Variants in LAMB4 observed in about 807,000 individuals in gnomAD.
LAMB4 encodes laminin subunit beta-4.
In LAMB4, 196 loss-of-function variants were observed where a neutral mutation model predicts 199.2. The observed-to-expected ratio is 0.98, with a 90% CI of 0.88 to 1.11. LAMB4 has a LOEUF of 1.11. Ranked by LOEUF, LAMB4 falls within the 50% of genes least tolerant of loss-of-function variation. The pLI is 0.00. For missense variants in LAMB4, 2,080 were observed against 2,171.2 expected (o/e 0.96, Z 0.83); for synonymous variants, 744 against 770.6 (o/e 0.97, Z 0.57).
chr7:108,033,284 C>T (rs959616541), intron 31 of LAMB4, among the ~76,000 whole-genome samples: 2 of 152,206 alleles, frequency 1.3e-5, no homozygotes, highest in African/African-American at 4.8e-5. Context: ...GTTTTGCCAT[C>T]CCTTGTTCTA....
rs760550776 is a variant in LAMB4, at chr7:108,065,778, A to G, written c.2820T>C (p.Cys940=). ...ACTGCATACCCGTATAACCTTGAAG[A>G]CAATTGCAGATTACATCTGAGCTCC... ...NLWSSDVICN[C]LQGYTGTQCG... is the part of the protein sequence containing the mutation. The change falls in exon 21 of 34, where the codon TGT becomes TGC. Residue 940 remains cysteine (C), a synonymous_variant. Coordinates refer to ENST00000388781, the MANE Select transcript of LAMB4 (RefSeq NM_007356.3). 17 of 1,614,120 alleles carry G rather than the reference A, an allele frequency of 1.1e-5. No homozygotes were observed. The highest frequency in any genetic ancestry group is 1.4e-5 in the Non-Finnish European group (17 of 1,179,972).
chr7:108,089,551 A>T (rs575142339), intron 14 of LAMB4, among the ~76,000 whole-genome samples: 46 of 152,228 alleles, frequency 3.0e-4, no homozygotes, highest in Non-Finnish European at 6.2e-4. Flanking sequence ...TGTTAGCTGT[A>T]GTAAAAACTC....
rs797000434 is a variant in LAMB4, at chr7:108,068,087, G to A, written c.2375C>T (p.Pro792Leu). The A allele has an allele frequency of 6.2e-7, 1 of 1,614,160 alleles. No individual in the cohort carries two copies. The highest frequency in any genetic ancestry group is 1.7e-5 in the Admixed American group (1 of 60,018). The change falls in exon 19 of 34, where the codon CCT (proline) becomes CTT (leucine). Residue 792 changes from proline (P) to leucine (L), a missense_variant. Pro to Leu is a moderately conservative substitution (Grantham distance 98). Transcript: ENST00000388781. ...GTCACAGCAGCGCCCGACCACAAGA[G>A]GTTTACACTGGCACTGGCCTCCAAG... ...SRLGGQCQCK[P>L]LVVGRCCDRC...
chr7:108,044,950 T>C (rs1241351592), intron 28 of LAMB4, among the ~76,000 whole-genome samples: 5 of 118,254 alleles, frequency 4.2e-5, no homozygotes, highest in Non-Finnish European at 8.1e-5. Flanking sequence ...GTGAGATTCT[T>C]GTCTCAAAAA....
chr7:108,066,248 C>A (rs796894403), intron 20 of LAMB4, 121 bp downstream of exon 20: 2 of 749,576 alleles, frequency 2.7e-6, no homozygotes, highest in African/African-American at 3.5e-5. Flanking sequence ...CTCTCCCCGA[C>A]CTATAACAGT....
At chr7:108,111,731 T>C (rs2038231160) in intron 4 of LAMB4, 80 bp downstream of exon 4, 2 of 1,273,726 alleles carry the variant, frequency 1.6e-6, no homozygotes, top group Admixed American at 1.9e-5. Flanking sequence ...TGCTGTGACA[T>C]TATTAAAACC....
In LAMB4 at chr7:108,056,002, C is replaced by A; in HGVS notation, c.3385G>T (p.Asp1129Tyr). The change falls in exon 25 of 34, where the codon GAT becomes TAT. Residue 1129 changes from aspartate to tyrosine, a missense_variant. Physicochemically the swap from Asp to Tyr is radical, Grantham distance 160. Coordinates refer to ENST00000388781, the MANE Select transcript of LAMB4 (RefSeq NM_007356.3). The part of the protein sequence containing the change: ...GDPPGRCIPC[D>Y]CNRAGTQKPI... Reference sequence around the variant, plus strand: ...TTCTGGGTACCTGCCCTGTTACAATCACATGCTAAAAAGGAAAACAGAAGG... The same window carrying A: ...TTCTGGGTACCTGCCCTGTTACAATAACATGCTAAAAAGGAAAACAGAAGG... 6.2e-7 allele frequency: 1 copy of A among 1,602,954 alleles called. No individual in the cohort carries two copies. Among genetic ancestry groups the A allele is most frequent in the South Asian group, 1.1e-5 (1 of 89,954 alleles).
In LAMB4 at chr7:108,037,392, C is replaced by T. The variant is rs1437396238; in HGVS notation, c.4675G>A (p.Ala1559Thr). ...GAATATTAATACAGTACTTACTCAGCTGCTTTGGCCTTCACCAAAAGCTTT... is the reference window on the plus strand; with the variant it reads ...GAATATTAATACAGTACTTACTCAGTTGCTTTGGCCTTCACCAAAAGCTTT... ...AQKLLVKAKAAEKAANILLNL... is the reference protein window; with the variant it reads ...AQKLLVKAKATEKAANILLNL... Residue 1559 changes from alanine to threonine, a missense_variant, in exon 30 of 34, where the codon GCT becomes ACT. Ala to Thr is a moderately conservative substitution (Grantham distance 58). Coordinates refer to ENST00000388781, the MANE Select transcript of LAMB4 (RefSeq NM_007356.3). 2 of 1,611,792 alleles carry T rather than the reference C, an allele frequency of 1.2e-6. No individual in the cohort carries two copies. Among genetic ancestry groups the T allele is most frequent in the Non-Finnish European group, 1.7e-6 (2 of 1,177,926 alleles).
At chr7:108,049,647 A>G in intron 26 of LAMB4, 116 bp from the exon 27 acceptor site, 1 of 572,196 alleles carries the variant, frequency 1.7e-6, no homozygotes, top group African/African-American at 1.9e-5. Context: ...AACTATCACC[A>G]TAAAATTTCA....
intron 27 of LAMB4, 48 bp from the exon 28 acceptor site, chr7:108,048,159 T>A: frequency 2.3e-5 from 3 of 130,978 alleles, no homozygotes; most frequent in Non-Finnish European, 3.7e-5. Flanking sequence ...TTGTCAGAGC[T>A]TTTTTTTTTT....
chr7:108,101,210 C>T (rs1040512454), intron 10 of LAMB4, among the ~76,000 whole-genome samples: 4 of 152,196 alleles, frequency 2.6e-5, no homozygotes, highest in African/African-American at 9.7e-5. Flanking sequence ...CCTGAACGTT[C>T]TTGCTAAGTG....
At chr7:108,035,370 A>T (rs1233116213) in intron 30 of LAMB4, among the ~76,000 whole-genome samples, 1 of 151,846 alleles carries the variant, frequency 6.6e-6, no homozygotes, top group Non-Finnish European at 1.5e-5. Context: ...GTGAAACCCC[A>T]TCTCTACTAA....
At chr7:108,057,610 A>G (rs2036023675) in intron 24 of LAMB4, among the ~76,000 whole-genome samples, 1 of 152,210 alleles carries the variant, frequency 6.6e-6, no homozygotes, top group Admixed American at 6.5e-5. Flanking sequence ...CAGGCTACGA[A>G]TTTTAATATA....
intron 2 of LAMB4, 84 bp downstream of exon 2, chr7:108,123,047 G>A: frequency 1.6e-6 from 2 of 1,218,044 alleles, no homozygotes; most frequent in Non-Finnish European, 2.3e-6. Flanking sequence ...ATAGAAGACA[G>A]AAGTGAATAT....
chr7:108,014,776 G>A, the LAMB4 span, among the ~76,000 whole-genome samples: 4 of 151,346 alleles, frequency 2.6e-5, no homozygotes, highest in South Asian at 4.2e-4. Flanking sequence ...AGGCTGGAGT[G>A]CAGTGGTGTG....
chr7:108,077,567 T>C (rs75930397), intron 16 of LAMB4, among the ~76,000 whole-genome samples: 1,793 of 151,994 alleles, frequency 0.012, 45 homozygotes, highest in African/African-American at 0.041. Context: ...GGTGGAATGC[T>C]CCTGTAATCC....
At position 108,037,523 on chromosome 7, in the gene LAMB4, G is replaced by A; in HGVS notation, c.4544C>T (p.Ser1515Phe). ...GVLDIHLPIP[S>F]QNLTDELVKI... ...GACAAGTTCATCGGTTAGATTTTGG[G>A]ATGGAATTGGTAGGTGAATGTCAAG... The change falls in exon 30 of 34, where the codon TCC becomes TTC. Residue 1515 changes from serine (S) to phenylalanine (F), a missense_variant. Transcript: ENST00000388781. 6.2e-7 allele frequency: 1 copy of A among 1,614,072 alleles called. No individual in the cohort carries two copies. The highest frequency in any genetic ancestry group is 8.5e-7 in the Non-Finnish European group (1 of 1,179,980).
chr7:108,091,548 G>A lies in LAMB4; in HGVS notation c.1701+78C>T. The A allele has an allele frequency of 2.8e-5, 41 of 1,470,554 alleles. No homozygotes were observed. In the South Asian group the frequency reaches 4.6e-4, roughly 16 times the overall value. The allele number at this position is 1,470,554 out of a possible 1,614,324, so 91.1% of individuals were successfully genotyped here. ...ATTCTTTTCTAGGTATCTTAACCACGATCTCAAGTATGTGCTCTGTGTGTT... is the reference window on the plus strand; with the variant it reads ...ATTCTTTTCTAGGTATCTTAACCACAATCTCAAGTATGTGCTCTGTGTGTT... On this transcript the variant is annotated intron_variant, in intron 14 of 33. Coordinates refer to ENST00000388781, the MANE Select transcript of LAMB4 (RefSeq NM_007356.3).
At chr7:108,056,088 T>G in intron 24 of LAMB4, 81 bp from the exon 25 acceptor site, 3 of 1,350,900 alleles carry the variant, frequency 2.2e-6, no homozygotes, top group Non-Finnish European at 3.0e-6. Flanking sequence ...TCTTTTCCTC[T>G]CTCCTGAAAA....
Sources: allele counts gnomAD v4.1 joint callset (sites outside exome capture counted in the v4.1 genomes callset), GRCh38; gene constraint gnomAD v4.1.1; transcripts MANE v1.5; gene names NCBI Gene and HGNC (gene_info 2026-07-23, HGNC 2026-07-21).